Variants in CTNNA3 observed in about 807,000 individuals in gnomAD.
CTNNA3 encodes the protein catenin alpha-3.
A neutral mutation model predicts 95.7 loss-of-function variants in CTNNA3; 76 were observed. That is an observed-to-expected ratio of 0.79 (90% CI 0.66 to 0.96). The LOEUF (loss-of-function observed/expected upper bound fraction) is 0.96, where lower values mean the gene tolerates loss of function less well. CTNNA3 is among the 40% of genes least tolerant of loss of function. The probability of loss-of-function intolerance (pLI) is 0.00; values close to 1 mark genes in which losing one functional copy is unlikely to be tolerated. For missense variants in CTNNA3, 1,191 were observed against 1,089.8 expected (o/e 1.09, Z -1.31); for synonymous variants, 431 against 374.4 (o/e 1.15, Z -1.74).
intron 7 of CTNNA3, among the ~76,000 whole-genome samples, chr10:66,875,134 T>C (rs1417454842): frequency 1.3e-5 from 2 of 152,172 alleles, no homozygotes; most frequent in Non-Finnish European, 2.9e-5. Flanking sequence ...TAGGAAAGAA[T>C]GTCCAAAGCA....
intron 7 of CTNNA3, among the ~76,000 whole-genome samples, chr10:67,139,847 G>GA (rs1247149403): frequency 6.6e-6 from 1 of 152,006 alleles, no homozygotes; most frequent in Non-Finnish European, 1.5e-5. Context: ...TAAAAGTTCA[G>GA]AAAAAAATGT....
intron 7 of CTNNA3, among the ~76,000 whole-genome samples, chr10:67,026,500 T>C (rs991239663): frequency 9.2e-5 from 14 of 152,160 alleles, no homozygotes; most frequent in Middle Eastern, 3.4e-3. Flanking sequence ...ATAAGTAATA[T>C]GGAAAAGTTT....
chr10:66,784,703 C>A (rs778460182), intron 7 of CTNNA3, among the ~76,000 whole-genome samples: 10 of 152,120 alleles, frequency 6.6e-5, no homozygotes, highest in Admixed American at 1.3e-4. Context: ...AAGAAATAAT[C>A]AAAAACCACT....
intron 13 of CTNNA3, among the ~76,000 whole-genome samples, chr10:66,158,687 T>C (rs923688279): frequency 6.6e-6 from 1 of 152,036 alleles, no homozygotes; most frequent in Non-Finnish European, 1.5e-5. Flanking sequence ...CTGTGAAGAA[T>C]GATGGTGGTA....
chr10:67,018,807 G>A (rs578133836), intron 7 of CTNNA3, among the ~76,000 whole-genome samples: 1 of 152,344 alleles, frequency 6.6e-6, no homozygotes, highest in African/African-American at 2.4e-5. Flanking sequence ...AAGGTGTTAA[G>A]TGTTGTGTAT....
intron 1 of CTNNA3, among the ~76,000 whole-genome samples, chr10:67,653,048 T>C (rs1055332661): frequency 5.9e-5 from 9 of 152,254 alleles, no homozygotes; most frequent in African/African-American, 1.7e-4. Flanking sequence ...AATTGGCTCA[T>C]GGTTCTGCAG....
intron 5 of CTNNA3, among the ~76,000 whole-genome samples, chr10:67,352,986 C>T (rs758959553): frequency 2.0e-5 from 3 of 151,850 alleles, no homozygotes; most frequent in Non-Finnish European, 4.4e-5. Flanking sequence ...AAAAGCAAAA[C>T]AGTGGGAAGG....
At chr10:67,625,106 C>G (rs1843988809) in intron 2 of CTNNA3, among the ~76,000 whole-genome samples, 1 of 152,150 alleles carries the variant, frequency 6.6e-6, no homozygotes, top group Non-Finnish European at 1.5e-5. Context: ...CCTAAAAGGA[C>G]TAGGAACCCG....
chr10:67,236,252 G>A (rs1404322943), intron 5 of CTNNA3, among the ~76,000 whole-genome samples: 3 of 150,340 alleles, frequency 2.0e-5, no homozygotes, highest in African/African-American at 7.4e-5. Flanking sequence ...CAAAGACTTG[G>A]AACCAACCCA....
chr10:66,588,185 C>T (rs998705959), intron 10 of CTNNA3, among the ~76,000 whole-genome samples: 1 of 151,938 alleles, frequency 6.6e-6, no homozygotes, highest in Non-Finnish European at 1.5e-5. Context: ...TTAAGATCTG[C>T]CTCCATGGCC....
chr10:67,292,188 G>A (rs1272284657), intron 5 of CTNNA3, among the ~76,000 whole-genome samples: 3 of 152,118 alleles, frequency 2.0e-5, no homozygotes, highest in Non-Finnish European at 2.9e-5. Flanking sequence ...TTTATGGCCA[G>A]TTTTTACACA....
chr10:67,090,523 T>C (rs1030439374), intron 7 of CTNNA3, among the ~76,000 whole-genome samples: 2 of 152,046 alleles, frequency 1.3e-5, no homozygotes, highest in African/African-American at 4.8e-5. Context: ...CAAAATGTAG[T>C]GGTTAAGAAG....
At chr10:66,629,579 A>T (rs1845060712) in intron 9 of CTNNA3, among the ~76,000 whole-genome samples, 1 of 152,100 alleles carries the variant, frequency 6.6e-6, no homozygotes, top group Admixed American at 6.6e-5. Flanking sequence ...TCTCTACAAT[A>T]TGTTCACATT....
chr10:66,380,759 T>A (rs1448747897), intron 11 of CTNNA3, among the ~76,000 whole-genome samples: 1 of 151,884 alleles, frequency 6.6e-6, no homozygotes, highest in East Asian at 1.9e-4. Context: ...GATCTTACTG[T>A]TATAATTGTT....
intron 5 of CTNNA3, among the ~76,000 whole-genome samples, chr10:67,282,900 T>C (rs1331075814): frequency 6.6e-6 from 1 of 152,132 alleles, no homozygotes; most frequent in East Asian, 1.9e-4. Flanking sequence ...GAATCTCTCT[T>C]CCCCAAGGTG....
Position 66,582,155 on chromosome 10 carries a change from G to A in CTNNA3, c.1374+39537C>T, listed in dbSNP as rs1471759260. Among the ~76,000 whole-genome samples, 3 of 151,726 alleles carry A rather than the reference G, an allele frequency of 2.0e-5. No homozygotes were observed. The East Asian group carries it at 5.8e-4, about 29-fold the overall frequency. On this transcript the variant is annotated intron_variant, in intron 10 of 17. Coordinates refer to ENST00000433211, the MANE Select transcript of CTNNA3 (RefSeq NM_013266.4). ...TTTTTTGGTTCCATGTGAATTTTAG[G>A]ATTGATTTTTCTAATTCTGTAAAAA...
chr10:67,264,058 T>C (rs534146812), intron 5 of CTNNA3, among the ~76,000 whole-genome samples: 66 of 152,294 alleles, frequency 4.3e-4, no homozygotes, highest in African/African-American at 1.5e-3. Context: ...ATTGAAGTTA[T>C]ATTATTTTAC....
rs117978183 is a variant in CTNNA3 at position 66,996,578 on chromosome 10, G to T, written c.1047+183739C>A. Among the ~76,000 whole-genome samples, 1,038 of 144,360 alleles carry T rather than the reference G, an allele frequency of 7.2e-3. 59 individuals carry two copies. In the East Asian group the frequency reaches 0.14, roughly 20 times the overall value. The allele number at this position is 144,360 out of a possible 152,430, so 94.7% of individuals were successfully genotyped here. ...CAGGAGAATTGCTTGAACCCAGCAG[G>T]TAGAGGTTGCAGTGGGTCAAGATCG... is the stretch of plus-strand genomic sequence containing the variant. On this transcript the variant is annotated intron_variant, in intron 7 of 17. Transcript: ENST00000433211.
intron 11 of CTNNA3, among the ~76,000 whole-genome samples, chr10:66,400,119 A>C (rs922126104): frequency 6.6e-6 from 1 of 152,018 alleles, no homozygotes; most frequent in African/African-American, 2.4e-5. Flanking sequence ...ATAATCCTGA[A>C]GCTAAGAAGC....
Sources: gnomAD v4.1 joint callset for allele counts (sites outside exome capture counted in the v4.1 genomes callset) on GRCh38, gnomAD v4.1.1 for gene constraint, MANE v1.5 for transcripts, NCBI Gene and HGNC (gene_info 2026-07-23, HGNC 2026-07-21) for gene names.